The following COL4A6 variants were observed in gnomAD, a reference collection of about 807,000 sequenced individuals.
The protein encoded by COL4A6 is collagen type IV alpha 6 chain, also known as collagen alpha-6(IV) chain.
In COL4A6, 59 loss-of-function variants were observed where a neutral mutation model predicts 126.7. The observed-to-expected ratio is 0.47, with a 90% CI of 0.38 to 0.58. The LOEUF (loss-of-function observed/expected upper bound fraction) is 0.58. Ranked by LOEUF, COL4A6 falls within the 20% of genes least tolerant of loss-of-function variation. The pLI, the probability that COL4A6 is intolerant of heterozygous loss-of-function variation, is 0.00. For synonymous variants in COL4A6, 547 were observed against 496.6 expected (o/e 1.10, Z -1.35); for missense variants, 1,285 against 1,337.3 (o/e 0.96, Z 0.61).
intron 3 of COL4A6, among the ~76,000 whole-genome samples, chrX:108,286,133 T>C (rs1451663446): frequency 8.9e-6 from 1 of 112,026 alleles, no homozygotes; most frequent in Non-Finnish European, 1.9e-5. Context: ...TCAAACAAAA[T>C]GTTAAGCTCC....
chrX:108,163,468 C>A (rs1482777685), intron 40 of COL4A6: 1 of 121,907 alleles, frequency 8.2e-6, no homozygotes, highest in Non-Finnish European at 1.7e-5. Context: ...GAACCCGGCG[C>A]CAGCCAGCTG....
chrX:108,179,210 G>T lies in COL4A6; in HGVS notation c.2353+7C>A. ...GATTGTTAAATAATTGGGGCAAAAA[G>T]ATTCACCCTTGAGTCCTGGAAGGCC... On this transcript the variant is annotated splice_region_variant and intron_variant, in intron 26 of 44. Coordinates refer to ENST00000334504, the MANE Select transcript of COL4A6 (RefSeq NM_033641.4). 8.3e-7 allele frequency: 1 copy of T among 1,200,793 alleles called. No homozygotes were observed. Among genetic ancestry groups the T allele is most frequent in the South Asian group, 1.8e-5 (1 of 55,884 alleles).
intron 2 of COL4A6, among the ~76,000 whole-genome samples, chrX:108,334,881 G>A (rs2039393222): frequency 9.0e-6 from 1 of 111,595 alleles, no homozygotes; most frequent in Non-Finnish European, 1.9e-5. Context: ...CAAGCTGAGT[G>A]CAGAGTATCA....
chrX:108,429,112 A>G (rs2064136911), intron 2 of COL4A6, among the ~76,000 whole-genome samples: 2 of 112,252 alleles, frequency 1.8e-5, no homozygotes, highest in Non-Finnish European at 3.8e-5. Context: ...AATAAAAGGA[A>G]TGAACTACTG....
At chrX:108,337,265 A>G (rs191114061) in intron 2 of COL4A6, among the ~76,000 whole-genome samples, 163 of 111,479 alleles carry the variant, frequency 1.5e-3, no homozygotes, top group African/African-American at 5.1e-3. Context: ...TTTCTCTGGT[A>G]AGACACTCAC....
chrX:108,302,312 T>G (rs982431229), intron 3 of COL4A6, among the ~76,000 whole-genome samples: 2 of 111,725 alleles, frequency 1.8e-5, no homozygotes, highest in South Asian at 7.6e-4. Context: ...GCTAATACCT[T>G]AAGGCACAAT....
At chrX:108,418,923 T>C (rs1173404443) in intron 2 of COL4A6, among the ~76,000 whole-genome samples, 1 of 112,514 alleles carries the variant, frequency 8.9e-6, no homozygotes, top group Admixed American at 9.5e-5. Flanking sequence ...GGTTGATATC[T>C]TGACAATAAC....
chrX:108,180,656 G>A, intron 24 of COL4A6, 34 bp from the exon 25 acceptor site: 1 of 1,057,730 alleles, frequency 9.5e-7, no homozygotes, highest in Non-Finnish European at 1.3e-6. Context: ...GAGGGGAAAG[G>A]AAAGTCGGTG....
In COL4A6 at chrX:108,322,542, A is replaced by T. The variant is rs7054200; in HGVS notation, c.64-11714T>A. Among the ~76,000 whole-genome samples the T allele has an allele frequency of 5.9e-3, 664 of 112,413 alleles. 3 individuals carry two copies. Among genetic ancestry groups the T allele is most frequent in the African/African-American group, 0.02 (621 of 30,955 alleles). On this transcript the variant is annotated intron_variant, in intron 2 of 44. Coordinates refer to ENST00000334504, the MANE Select transcript of COL4A6 (RefSeq NM_033641.4). Reference sequence around the variant, plus strand: ...TTCACTTGAAAAGCTCTAGCCAGCCAGTATGAACCAGGGCCTGAGGGGATA... The same window carrying T: ...TTCACTTGAAAAGCTCTAGCCAGCCTGTATGAACCAGGGCCTGAGGGGATA...
chrX:108,186,841 C>T (rs922355386), intron 23 of COL4A6, among the ~76,000 whole-genome samples: 4 of 111,155 alleles, frequency 3.6e-5, no homozygotes, highest in Non-Finnish European at 7.5e-5. Flanking sequence ...CCCTCAGTAG[C>T]TCTGTTACAT....
At chrX:108,285,088 C>T (rs2037971145) in intron 3 of COL4A6, among the ~76,000 whole-genome samples, 1 of 111,754 alleles carries the variant, frequency 8.9e-6, no homozygotes, top group Non-Finnish European at 1.9e-5. Flanking sequence ...TCCCAAGCGG[C>T]CCAGGCTGTA....
intron 2 of COL4A6, among the ~76,000 whole-genome samples, chrX:108,398,226 T>C (rs1426177082): frequency 8.9e-6 from 1 of 112,228 alleles, no homozygotes; most frequent in Non-Finnish European, 1.9e-5. Flanking sequence ...CATTATCAGA[T>C]TCTGATTCTG....
In COL4A6 at chrX:108,399,270, C is replaced by T. The variant is rs143067830; in HGVS notation, c.63+38672G>A. 6.1e-3 allele frequency among the ~76,000 whole-genome samples: 674 copies of T among 111,323 alleles called. 2 individuals are homozygous for T. Among genetic ancestry groups the T allele is most frequent in the East Asian group, 0.035 (125 of 3,528 alleles). ...CTCATTCAGTTTAATTTAACAAACACGTATGAAATGCCCACTAAGTTCAAT... is the reference window on the plus strand; with the variant it reads ...CTCATTCAGTTTAATTTAACAAACATGTATGAAATGCCCACTAAGTTCAAT... On this transcript the variant is annotated intron_variant, in intron 2 of 44. Coordinates refer to ENST00000334504, the MANE Select transcript of COL4A6 (RefSeq NM_033641.4).
intron 6 of COL4A6, 173 bp downstream of exon 6, chrX:108,213,939 A>G: frequency 4.4e-6 from 2 of 450,257 alleles, no homozygotes; most frequent in Non-Finnish European, 7.7e-6. Flanking sequence ...TGCAACTGGT[A>G]TTCTTCTTTA....
intron 2 of COL4A6, among the ~76,000 whole-genome samples, chrX:108,404,480 G>C (rs1478357466): frequency 9.0e-6 from 1 of 111,620 alleles, no homozygotes; most frequent in Non-Finnish European, 1.9e-5. Context: ...CATCCCTGCG[G>C]AAGTTTTGAT....
At chrX:108,237,988 A>G (rs1188971261) in intron 3 of COL4A6, among the ~76,000 whole-genome samples, 1 of 107,528 alleles carries the variant, frequency 9.3e-6, no homozygotes, top group Non-Finnish European at 1.9e-5. Context: ...TCTATCTTCT[A>G]TCTCTATGTG....
chrX:108,343,206 ATG>A (rs2039627067), intron 2 of COL4A6, among the ~76,000 whole-genome samples: 3 of 56,063 alleles, frequency 5.4e-5, no homozygotes, highest in Non-Finnish European at 8.9e-5. Flanking sequence ...GTGTGTGTGT[ATG>A]TACAAAGGCT....
intron 2 of COL4A6, among the ~76,000 whole-genome samples, chrX:108,351,427 G>A (rs1382585901): frequency 1.0e-5 from 1 of 99,135 alleles, no homozygotes; most frequent in African/African-American, 3.8e-5. Context: ...TAAAAAAGGA[G>A]GTAACTCTCT....
chrX:108,218,170 G>A (rs1209678286), intron 5 of COL4A6, among the ~76,000 whole-genome samples: 3 of 112,256 alleles, frequency 2.7e-5, no homozygotes, highest in Admixed American at 9.4e-5. Context: ...AAGACTGCAG[G>A]AGGAAGGGCA....
Sources: gnomAD v4.1 joint callset for allele counts (sites outside exome capture counted in the v4.1 genomes callset) on GRCh38, gnomAD v4.1.1 for gene constraint, MANE v1.5 for transcripts, NCBI Gene and HGNC (gene_info 2026-07-23, HGNC 2026-07-21) for gene names.